The following ARMC3 variants were observed in gnomAD, a reference collection of about 807,000 sequenced individuals.
The protein encoded by ARMC3 is armadillo repeat containing 3, also known as armadillo repeat-containing protein 3.
A neutral mutation model predicts 90.3 loss-of-function variants in ARMC3; 74 were observed. That is an observed-to-expected ratio of 0.82 (90% CI 0.68 to 0.99). ARMC3 has a LOEUF of 0.99. ARMC3 is among the 50% of genes least tolerant of loss of function. The pLI is 0.00. For missense variants in ARMC3, 958 were observed against 1,042.8 expected (o/e 0.92, Z 1.12); for synonymous variants, 334 against 361.8 (o/e 0.92, Z 0.87).
At chr10:22,957,297 T>A (rs551773825) in intron 4 of ARMC3, among the ~76,000 whole-genome samples, 1 of 151,948 alleles carries the variant, frequency 6.6e-6, no homozygotes, top group Non-Finnish European at 1.5e-5. Flanking sequence ...TGAGTGGAAG[T>A]TGGGGAGAGA....
At position 22,959,476 on chromosome 10, in the gene ARMC3, T is replaced by A. The variant is rs764587875; in HGVS notation, c.439T>A (p.Phe147Ile). The change falls in exon 6 of 19, where the codon TTT (phenylalanine) becomes ATT (isoleucine). Residue 147 changes from phenylalanine to isoleucine, a missense_variant. Coordinates refer to ENST00000298032, the MANE Select transcript of ARMC3 (RefSeq NM_173081.5). ...AGAGTACACCAGTAAAGTGCAAATA[T>A]TTGAACATGGGGGATTAGAGCCACT... Reference protein sequence around the residue: ...SAEYTSKVQIFEHGGLEPLIR... With the variant: ...SAEYTSKVQIIEHGGLEPLIR... 1 of 1,613,998 alleles carries A rather than the reference T, an allele frequency of 6.2e-7. No individual in the cohort carries two copies. The highest frequency in any genetic ancestry group is 1.1e-5 in the South Asian group (1 of 91,060).
At chr10:22,933,641 G>T (rs765216107) in intron 2 of ARMC3, among the ~76,000 whole-genome samples, 1 of 152,110 alleles carries the variant, frequency 6.6e-6, no homozygotes, top group Non-Finnish European at 1.5e-5. Flanking sequence ...CTGACAGAGT[G>T]TTGGGAGGCT....
intron 16 of ARMC3, among the ~76,000 whole-genome samples, chr10:23,010,044 T>C (rs1837845880): frequency 6.6e-6 from 1 of 152,068 alleles, no homozygotes; most frequent in Non-Finnish European, 1.5e-5. Flanking sequence ...TTCTCTGTTG[T>C]TAGAGTCTCT....
At position 22,998,177 on chromosome 10, in the gene ARMC3, C is replaced by A; in HGVS notation, c.1205C>A (p.Pro402Gln). ...GCTGCTGAAGCTGATGGTATTGATC[C>A]ATTAATAAACCTCCTGTCTAGTAAA... is the stretch of plus-strand genomic sequence containing the variant. Reference protein sequence around the residue: ...NAAAEADGIDPLINLLSSKRD... With the variant: ...NAAAEADGIDQLINLLSSKRD... The change falls in exon 11 of 19, where the codon CCA becomes CAA. Residue 402 changes from proline to glutamine, a missense_variant. Coordinates refer to ENST00000298032, the MANE Select transcript of ARMC3 (RefSeq NM_173081.5). The A allele has an allele frequency of 1.2e-6, 2 of 1,613,838 alleles. No individual in the cohort carries two copies. The highest frequency in any genetic ancestry group is 2.2e-5 in the South Asian group (2 of 91,028).
chr10:22,999,771 C>G lies in ARMC3; in HGVS notation c.1425+1374C>G, dbSNP rs78836222. On this transcript the variant is annotated intron_variant, in intron 11 of 18. Transcript: ENST00000298032. ...CTTGGGCCCATGCTGTCTGCCCAAA[C>G]AACTGCCTAATCTTTTTCTTCTGTC... is the stretch of plus-strand genomic sequence containing the variant. Among the ~76,000 whole-genome samples the G allele has an allele frequency of 3.2e-3, 488 of 152,300 alleles. 12 individuals carry two copies. Among genetic ancestry groups the G allele is most frequent in the East Asian group, 2.9e-3 (15 of 5,186 alleles).
intron 3 of ARMC3, among the ~76,000 whole-genome samples, chr10:22,947,928 A>G (rs1834600632): frequency 6.6e-6 from 1 of 151,366 alleles, no homozygotes; most frequent in Non-Finnish European, 1.5e-5. Flanking sequence ...ATTATTACAA[A>G]TGATTAGACT....
In ARMC3 at chr10:23,014,900, A is replaced by C. The variant is rs565041097; in HGVS notation, c.2045+5969A>C. 5.3e-5 allele frequency among the ~76,000 whole-genome samples: 8 copies of C among 151,638 alleles called. 1 individual carries two copies. In the East Asian group the frequency reaches 1.4e-3, roughly 26 times the overall value. On this transcript the variant is annotated intron_variant, in intron 16 of 18. Transcript: ENST00000298032. Reference sequence around the variant, plus strand: ...TGAGATAATCTGTACAAAAAAAAAAAAAAAAAAAACCCCATGACACAAATT... The same window carrying C: ...TGAGATAATCTGTACAAAAAAAAAACAAAAAAAAACCCCATGACACAAATT...
At chr10:22,935,628 G>C (rs933005079) in intron 2 of ARMC3, among the ~76,000 whole-genome samples, 11 of 151,938 alleles carry the variant, frequency 7.2e-5, no homozygotes, top group Middle Eastern at 3.2e-3. Context: ...GAAGTTATAA[G>C]GACTTCTTTT....
At chr10:23,002,466 C>G (rs777805836) in intron 12 of ARMC3, among the ~76,000 whole-genome samples, 2 of 152,220 alleles carry the variant, frequency 1.3e-5, no homozygotes, top group Non-Finnish European at 2.9e-5. Flanking sequence ...CCACCCTCAC[C>G]AATCAGTTCT....
chr10:22,938,485 A>C (rs962112376), intron 2 of ARMC3, among the ~76,000 whole-genome samples: 25 of 152,382 alleles, frequency 1.6e-4, no homozygotes, highest in Admixed American at 8.5e-4. Flanking sequence ...TGGGAGAAAC[A>C]TGAAAATTGG....
chr10:22,959,377 G>A (rs1564353357), intron 5 of ARMC3, 22 bp from the exon 6 acceptor site: 2 of 1,582,896 alleles, frequency 1.3e-6, no homozygotes, highest in Admixed American at 1.9e-5. Flanking sequence ...GCATACTTGT[G>A]TTATTTATTT....
At chr10:22,994,046 C>T (rs1467621971) in intron 10 of ARMC3, among the ~76,000 whole-genome samples, 1 of 152,148 alleles carries the variant, frequency 6.6e-6, no homozygotes, top group Non-Finnish European at 1.5e-5. Flanking sequence ...CTGATGTAAA[C>T]ATTTATGCCA....
rs1835213202 is a variant in ARMC3, at chr10:22,961,917, A to AATGCAAT, written c.573_579dup (p.Pro194CysfsTer30). On this transcript the variant is annotated frameshift_variant, in exon 7 of 19. Coordinates refer to ENST00000298032, the MANE Select transcript of ARMC3 (RefSeq NM_173081.5). LOFTEE classifies it high-confidence loss of function. ...GTGTCGAGCTAAACTTCAAGAACTA[A>AATGCAAT]ATGCAATACCTCCTATCTTAGATCT... The AATGCAAT allele has an allele frequency of 6.2e-7, 1 of 1,607,602 alleles. No individual in the cohort carries two copies. Among genetic ancestry groups the AATGCAAT allele is most frequent in the Non-Finnish European group, 8.5e-7 (1 of 1,178,330 alleles).
chr10:22,992,043 T>G (rs1425548493), intron 10 of ARMC3, among the ~76,000 whole-genome samples: 1 of 152,234 alleles, frequency 6.6e-6, no homozygotes, highest in Non-Finnish European at 1.5e-5. Flanking sequence ...AAAAGAGAGT[T>G]GTTTTTTGCT....
intron 16 of ARMC3, among the ~76,000 whole-genome samples, chr10:23,027,261 C>T (rs191244966): frequency 5.0e-4 from 76 of 152,266 alleles, no homozygotes; most frequent in Non-Finnish European, 1.0e-3. Flanking sequence ...GAACACAATA[C>T]GTCTCATCAT....
Position 22,960,830 on chromosome 10 carries a change from C to T in ARMC3, c.538-1054C>T, listed in dbSNP as rs561203670. On this transcript the variant is annotated intron_variant, in intron 6 of 18. Transcript: ENST00000298032. Reference sequence around the variant, plus strand: ...CGTCCCCACTGAGACCAGATAGGACCCTTCCTCTCCTCTTCCCAGCTTCAT... The same window carrying T: ...CGTCCCCACTGAGACCAGATAGGACTCTTCCTCTCCTCTTCCCAGCTTCAT... 53 of 152,172 alleles carry T rather than the reference C, an allele frequency of 3.5e-4. 1 individual carries two copies. Among genetic ancestry groups the T allele is most frequent in the Admixed American group, 9.8e-4 (15 of 15,276 alleles). 9.4% of individuals were successfully genotyped at this position (152,172 alleles called of 1,614,324 possible). A position where few individuals can be genotyped will look rare whatever the true frequency, so the allele number is the denominator to read the frequency against.
At chr10:23,016,909 T>C (rs936771948) in intron 16 of ARMC3, among the ~76,000 whole-genome samples, 9 of 152,202 alleles carry the variant, frequency 5.9e-5, no homozygotes, top group African/African-American at 2.2e-4. Context: ...AGTGACGAAG[T>C]ATTGGACTGA....
At chr10:22,959,903 C>T (rs1284387308) in intron 6 of ARMC3, 2 of 468,570 alleles carry the variant, frequency 4.3e-6, no homozygotes, top group Non-Finnish European at 8.4e-6. Context: ...ATTGACTGAA[C>T]CCTGGTGGTC....
chr10:23,008,099 G>A (rs1318721678), intron 14 of ARMC3, among the ~76,000 whole-genome samples, 177 bp from the exon 15 acceptor site: 1 of 152,088 alleles, frequency 6.6e-6, no homozygotes, highest in Non-Finnish European at 1.5e-5. Context: ...GTGAGATCCT[G>A]TCTCAAAAAA....
Sources: allele counts gnomAD v4.1 joint callset (sites outside exome capture counted in the v4.1 genomes callset), GRCh38; gene constraint gnomAD v4.1.1; transcripts MANE v1.5; gene names NCBI Gene and HGNC (gene_info 2026-07-23, HGNC 2026-07-21).